Variants in UST observed in about 807,000 individuals in gnomAD.
The protein encoded by UST is chondroitin sulfate 2-O-sulfotransferase.
A neutral mutation model predicts 45.6 loss-of-function variants in UST; 21 were observed. The observed-to-expected ratio is 0.46, with a 90% CI of 0.33 to 0.66. The LOEUF (loss-of-function observed/expected upper bound fraction) is 0.66, where lower values mean the gene tolerates loss of function less well. Ranked by LOEUF, UST falls within the 30% of genes least tolerant of loss-of-function variation. The pLI, the probability that UST is intolerant of heterozygous loss-of-function variation, is 0.02. For synonymous variants in UST, 215 were observed against 200.6 expected, an observed-to-expected ratio of 1.07 and a Z score of -0.61; for missense variants, 463 against 512.4, an observed-to-expected ratio of 0.90 and a Z score of 0.93.
At chr6:148,820,069 G>A (rs1777427509) in intron 1 of UST, among the ~76,000 whole-genome samples, 1 of 152,212 alleles carries the variant, frequency 6.6e-6, no homozygotes, top group South Asian at 2.1e-4. Flanking sequence ...CCTCTAGGTA[G>A]CTAAAGGTCA....
intron 1 of UST, among the ~76,000 whole-genome samples, chr6:148,760,756 C>T (rs1445961563): frequency 6.6e-6 from 1 of 151,912 alleles, no homozygotes; most frequent in African/African-American, 2.4e-5. Flanking sequence ...CCACAAACAT[C>T]TCCCCAGGAA....
intron 1 of UST, 86 bp from the exon 2 acceptor site, chr6:148,886,900 C>A: frequency 8.9e-7 from 1 of 1,122,902 alleles, no homozygotes; most frequent in Non-Finnish European, 1.4e-6. Flanking sequence ...TACTGTATAA[C>A]TAGAATGCTT....
At position 148,906,579 on chromosome 6, in the gene UST, T is replaced by C. The variant is rs149347305; in HGVS notation, c.291+19550T>C. ...TTAGCTTGACTGCCATTGTATTAGG[T>C]TGGTGCAAAAGTGATTGCGGTTTTT... On this transcript the variant is annotated intron_variant, in intron 2 of 7. Coordinates refer to ENST00000367463, the MANE Select transcript of UST (RefSeq NM_005715.3). Among the ~76,000 whole-genome samples, 708 of 152,264 alleles carry C rather than the reference T, an allele frequency of 4.6e-3. 6 individuals are homozygous for C. The highest frequency in any genetic ancestry group is 0.016 in the African/African-American group (659 of 41,542).
At chr6:148,946,510 C>CAAAAAAAAAAAAAAAAAAA (rs71007930) in intron 3 of UST, among the ~76,000 whole-genome samples, 4 of 33,944 alleles carry the variant, frequency 1.2e-4, no homozygotes, top group Admixed American at 4.5e-4. Context: ...GACTCCATCT[C>CAAAAAAAAAAAAAAAAAAA]AAAAAAAAAA....
chr6:148,942,313 A>C (rs1289386358), intron 3 of UST, among the ~76,000 whole-genome samples: 1 of 152,138 alleles, frequency 6.6e-6, no homozygotes, highest in Non-Finnish European at 1.5e-5. Context: ...CTGTAATCCC[A>C]GCACTTTGGG....
intron 2 of UST, among the ~76,000 whole-genome samples, chr6:148,918,374 A>G (rs150495392): frequency 1.0e-3 from 154 of 152,262 alleles, no homozygotes; most frequent in African/African-American, 3.3e-3. Flanking sequence ...CCCCCAGCCT[A>G]TCTCTGCTAC....
At chr6:149,024,958 A>C (rs1348705917) in intron 7 of UST, among the ~76,000 whole-genome samples, 3 of 152,180 alleles carry the variant, frequency 2.0e-5, no homozygotes, top group Admixed American at 6.5e-5. Context: ...AAAACAAAAA[A>C]AAAAATAGGA....
chr6:149,043,810 T>C (rs1204936155), intron 7 of UST, among the ~76,000 whole-genome samples: 5 of 152,248 alleles, frequency 3.3e-5, no homozygotes, highest in African/African-American at 1.2e-4. Flanking sequence ...CATTATAACA[T>C]AGGATATTGT....
intron 1 of UST, among the ~76,000 whole-genome samples, chr6:148,767,447 A>G (rs1454371549): frequency 6.6e-6 from 1 of 152,258 alleles, no homozygotes. Context: ...GTTAATAAGC[A>G]TTGAGAGCAA....
chr6:149,010,913 A>AAAAAAACAAAAAAAAAAAAAAC (rs1554234080), intron 5 of UST, among the ~76,000 whole-genome samples: 1 of 92,968 alleles, frequency 1.1e-5, no homozygotes, highest in Non-Finnish European at 2.0e-5. Flanking sequence ...AAAAAAAAAA[A>AAAAAAACAAAAAAAAAAAAAAC]AAAAAACTGT....
chr6:148,775,639 T>A (rs114331886), intron 1 of UST, among the ~76,000 whole-genome samples: 1 of 150,804 alleles, frequency 6.6e-6, no homozygotes, highest in Non-Finnish European at 1.5e-5. Context: ...TTTTTTTTTT[T>A]GGGGCGGGGA....
intron 1 of UST, among the ~76,000 whole-genome samples, chr6:148,823,772 G>A (rs774719163): frequency 9.2e-5 from 14 of 152,122 alleles, no homozygotes; most frequent in Non-Finnish European, 4.4e-5. Context: ...TGTAGACTGC[G>A]AAGAGATTTT....
chr6:148,947,564 G>A (rs970697362), intron 3 of UST, among the ~76,000 whole-genome samples: 3 of 152,136 alleles, frequency 2.0e-5, no homozygotes, highest in Admixed American at 2.0e-4. Context: ...CCTTTACTAC[G>A]CTAGGAAAAT....
intron 2 of UST, among the ~76,000 whole-genome samples, chr6:148,927,350 T>C (rs538690166): frequency 6.6e-6 from 1 of 152,304 alleles, no homozygotes; most frequent in Admixed American, 6.5e-5. Context: ...ATCATACCAC[T>C]AATTGCCATA....
intron 1 of UST, among the ~76,000 whole-genome samples, chr6:148,861,677 C>G (rs1185864875): frequency 6.6e-6 from 1 of 152,168 alleles, no homozygotes; most frequent in Non-Finnish European, 1.5e-5. Flanking sequence ...AAATGTGTCC[C>G]AGAGATTCTG....
intron 1 of UST, among the ~76,000 whole-genome samples, chr6:148,797,822 C>T (rs138950860): frequency 6.6e-6 from 1 of 152,262 alleles, no homozygotes; most frequent in African/African-American, 2.4e-5. Flanking sequence ...TTTGAGAACA[C>T]CATTCAACAT....
chr6:148,814,633 G>A (rs140535869), intron 1 of UST, among the ~76,000 whole-genome samples: 25 of 152,210 alleles, frequency 1.6e-4, no homozygotes, highest in African/African-American at 5.8e-4. Context: ...CTGTACTAGG[G>A]GTTGATGCGG....
intron 7 of UST, among the ~76,000 whole-genome samples, chr6:149,041,681 C>T (rs999180623): frequency 6.6e-6 from 1 of 152,198 alleles, no homozygotes; most frequent in African/African-American, 2.4e-5. Flanking sequence ...AACTGGAGAC[C>T]ATGACCAGAA....
At chr6:148,915,255 T>C (rs1013543818) in intron 2 of UST, among the ~76,000 whole-genome samples, 1 of 152,176 alleles carries the variant, frequency 6.6e-6, no homozygotes, top group Non-Finnish European at 1.5e-5. Flanking sequence ...CTATACAAGA[T>C]AGAAGTTTAG....
Sources: allele counts gnomAD v4.1 joint callset (sites outside exome capture counted in the v4.1 genomes callset), GRCh38; gene constraint gnomAD v4.1.1; transcripts MANE v1.5; gene names NCBI Gene and HGNC (gene_info 2026-07-23, HGNC 2026-07-21).